The following SANBR variants were observed in gnomAD, a reference collection of about 807,000 sequenced individuals.
SANBR encodes SANT and BTB domain regulator of class switch recombination.
A neutral mutation model predicts 101.8 loss-of-function variants in SANBR; 77 were observed. The ratio of observed to expected loss-of-function variants is 0.76; its 90% CI spans 0.63 to 0.91. SANBR has a LOEUF of 0.91. Among genes scored for constraint, SANBR ranks in the 40% least tolerant of loss-of-function variants. The probability of loss-of-function intolerance (pLI) is 0.00; values close to 1 mark genes in which losing one functional copy is unlikely to be tolerated. For missense variants in SANBR, 875 were observed against 853.0 expected (o/e 1.03, Z -0.32); for synonymous variants, 279 against 274.7 (o/e 1.02, Z -0.15).
intron 1 of SANBR, among the ~76,000 whole-genome samples, chr2:61,068,233 G>C (rs923982827): frequency 2.6e-5 from 4 of 152,088 alleles, no homozygotes; most frequent in Admixed American, 2.0e-4. Flanking sequence ...ATCAAACTCA[G>C]CCTGGGACAT....
chr2:61,118,001 TA>T (rs1684156407), intron 19 of SANBR, 26 bp from the exon 20 acceptor site: 1 of 1,559,510 alleles, frequency 6.4e-7, no homozygotes, highest in African/African-American at 1.4e-5. Context: ...TTATGAAAAG[TA>T]AAGTTTACTG....
chr2:61,085,901 T>C (rs2104885282), intron 8 of SANBR, among the ~76,000 whole-genome samples: 1 of 152,290 alleles, frequency 6.6e-6, no homozygotes, highest in East Asian at 1.9e-4. Context: ...AAGATTGTAG[T>C]GTTGTCTATT....
intron 14 of SANBR, among the ~76,000 whole-genome samples, 167 bp downstream of exon 14, chr2:61,106,829 C>T (rs963576949): frequency 6.6e-6 from 1 of 151,958 alleles, no homozygotes; most frequent in African/African-American, 2.4e-5. Flanking sequence ...ACATTTCTTG[C>T]CCTCAAAGAA....
At chr2:61,103,463 G>T (rs750129238) in intron 12 of SANBR, among the ~76,000 whole-genome samples, 7 of 152,118 alleles carry the variant, frequency 4.6e-5, no homozygotes, top group Non-Finnish European at 8.8e-5. Context: ...AACAAAACAA[G>T]TGAGACTAAA....
chr2:61,086,552 G>A (rs940790535), intron 8 of SANBR, among the ~76,000 whole-genome samples: 3 of 151,926 alleles, frequency 2.0e-5, no homozygotes, highest in Non-Finnish European at 4.4e-5. Context: ...AAGGCAGAAG[G>A]AAAAAAGGTT....
chr2:61,083,547 C>T (rs530897394), intron 8 of SANBR, among the ~76,000 whole-genome samples: 7 of 148,338 alleles, frequency 4.7e-5, no homozygotes, highest in South Asian at 4.3e-4. Flanking sequence ...CAGGAATGCA[C>T]CACCATGCCC....
intron 12 of SANBR, among the ~76,000 whole-genome samples, chr2:61,100,322 C>G (rs556744176): frequency 9.9e-5 from 15 of 152,258 alleles, no homozygotes; most frequent in African/African-American, 3.6e-4. Flanking sequence ...CCAGGCTGGT[C>G]TCGAACTCCT....
intron 11 of SANBR, among the ~76,000 whole-genome samples, chr2:61,096,643 G>A (rs1683045980): frequency 6.6e-6 from 1 of 152,012 alleles, no homozygotes; most frequent in Non-Finnish European, 1.5e-5. Flanking sequence ...CGAATTCCTA[G>A]GTTTAAGCAG....
At chr2:61,107,751 T>G (rs1024858025) in intron 14 of SANBR, among the ~76,000 whole-genome samples, 2 of 152,130 alleles carry the variant, frequency 1.3e-5, no homozygotes, top group African/African-American at 2.4e-5. Context: ...CTGGGCGCAG[T>G]GGCATGTGCC....
intron 10 of SANBR, among the ~76,000 whole-genome samples, chr2:61,091,702 A>G (rs945998423): frequency 6.6e-6 from 1 of 152,132 alleles, no homozygotes. Context: ...TTGAAGTTGC[A>G]ATAAGCTATG....
intron 3 of SANBR, 69 bp downstream of exon 3, chr2:61,070,569 C>T: frequency 7.2e-7 from 1 of 1,398,214 alleles, no homozygotes; most frequent in African/African-American, 1.5e-5. Context: ...AAAGAAACAC[C>T]AAGAGAGAGA....
Position 61,109,251 on chromosome 2 carries a change from A to G in SANBR, c.1699A>G (p.Thr567Ala). 1.3e-6 allele frequency: 2 copies of G among 1,579,692 alleles called. No individual in the cohort carries two copies. Residue 567 changes from threonine to alanine, a missense_variant, in exon 16 of 22, where the codon ACT becomes GCT. Thr to Ala is a moderately conservative substitution (Grantham distance 58). Transcript: ENST00000402291. ...EEEYTTGSEV[T>A]EDEVGDEEEV... is the part of the protein sequence containing the mutation. ...AGAATATACCACTGGATCTGAGGTC[A>G]CTGAAGATGAAGTTGGAGATGAAGA...
At chr2:61,125,000 CCAACCT>C (rs935763198), downstream of SANBR, among the ~76,000 whole-genome samples, 28 of 152,284 alleles carry the variant, frequency 1.8e-4, no homozygotes, top group South Asian at 2.7e-3. Context: ...AATTCTGCAG[CCAACCT>C]TCAGCTATTC....
chr2:61,095,151 C>T (rs559615747), intron 11 of SANBR, among the ~76,000 whole-genome samples: 33 of 152,272 alleles, frequency 2.2e-4, no homozygotes, highest in African/African-American at 7.7e-4. Context: ...TAAAGGTCCT[C>T]CTCACAATCG....
chr2:61,104,998 C>T (rs1434160299), intron 13 of SANBR, among the ~76,000 whole-genome samples: 1 of 151,220 alleles, frequency 6.6e-6, no homozygotes, highest in Non-Finnish European at 1.5e-5. Context: ...TGAGTTTGAA[C>T]TCCTCGAATT....
chr2:61,104,257 C>A (rs770905325), intron 13 of SANBR, among the ~76,000 whole-genome samples: 1 of 151,996 alleles, frequency 6.6e-6, no homozygotes, highest in African/African-American at 2.4e-5. Context: ...CCAAGGCGGG[C>A]GGATCACGAG....
At chr2:61,074,268 C>T (rs1483784251) in intron 5 of SANBR, among the ~76,000 whole-genome samples, 1 of 152,164 alleles carries the variant, frequency 6.6e-6, no homozygotes, top group African/African-American at 2.4e-5. Flanking sequence ...GCTGATTGCA[C>T]AACAGTGTGA....
At chr2:61,137,799 G>A (rs1469765204) in exon 22 of SANBR, 1 of 152,058 alleles carries the variant, frequency 6.6e-6, no homozygotes. Flanking sequence ...CTCTGAATTT[G>A]ATGCTTATTA....
chr2:61,135,144 A>T (rs1684806759), intron 21 of SANBR, among the ~76,000 whole-genome samples: 1 of 152,200 alleles, frequency 6.6e-6, no homozygotes, highest in Non-Finnish European at 1.5e-5. Context: ...ACTTTAGTTC[A>T]TTTTTGAATG....
Sources: allele counts gnomAD v4.1 joint callset (sites outside exome capture counted in the v4.1 genomes callset), GRCh38; gene constraint gnomAD v4.1.1; transcripts MANE v1.5; gene names NCBI Gene and HGNC (gene_info 2026-07-23, HGNC 2026-07-21).